The following SKI variants were observed in gnomAD, a reference collection of about 807,000 sequenced individuals.
SKI encodes the protein ski oncogene.
A neutral mutation model predicts 59.3 loss-of-function variants in SKI; 23 were observed. The observed-to-expected ratio is 0.39, with a 90% CI of 0.28 to 0.55. The LOEUF (loss-of-function observed/expected upper bound fraction) is 0.55, where lower values mean the gene tolerates loss of function less well. Ranked by LOEUF, SKI falls within the 20% of genes least tolerant of loss-of-function variation. The probability of loss-of-function intolerance (pLI) is 0.67; values close to 1 mark genes in which losing one functional copy is unlikely to be tolerated. For missense variants in SKI, 1,017 were observed against 1,038.9 expected, an observed-to-expected ratio of 0.98 and a Z score of 0.29; for synonymous variants, 673 against 488.6, an observed-to-expected ratio of 1.38 and a Z score of -4.98.
chr1:2,303,683 C>A lies in SKI; in HGVS notation c.1212-157C>A. On this transcript the variant is annotated intron_variant, in intron 3 of 6. Transcript: ENST00000378536. This position sits in a 1 kb window ranked among gnomAD's most constrained non-coding sequence, Gnocchi z 5.6. ...CGCAAGAGACCCAGCAAGCAGAAAA[C>A]GCTTACGGGTTCTTAGGGAACTGTA... 9.5e-7 allele frequency: 1 copy of A among 1,055,272 alleles called. No individual in the cohort carries two copies. The highest frequency in any genetic ancestry group is 1.4e-6 in the Non-Finnish European group (1 of 725,098). The allele number at this position is 1,055,272 out of a possible 1,614,324, so 65.4% of individuals were successfully genotyped here. A position where few individuals can be genotyped will look rare whatever the true frequency, so the allele number is the denominator to read the frequency against.
intron 1 of SKI, among the ~76,000 whole-genome samples, chr1:2,252,536 A>T (rs535395699): frequency 6.6e-6 from 1 of 152,216 alleles, no homozygotes; most frequent in South Asian, 2.1e-4. Flanking sequence ...CTTTATTTCC[A>T]CACTCGAGAG....
rs749324704 is a variant in SKI at position 2,306,800 on chromosome 1, G to T, written c.*35G>T. On this transcript the variant is annotated 3_prime_UTR_variant, in exon 7 of 7. Coordinates refer to ENST00000378536, the MANE Select transcript of SKI (RefSeq NM_003036.4). The stretch of plus-strand genomic sequence containing the variant: ...CTGCCGCCGCAGCGCCGCCGACAAC[G>T]CGGGTGCAGGGGGGCGCGGCTGGGC... 2.6e-5 allele frequency: 37 copies of T among 1,446,910 alleles called. No homozygotes were observed. In the East Asian group the frequency reaches 9.3e-4, roughly 36 times the overall value. The allele number at this position is 1,446,910 out of a possible 1,614,324, so 89.6% of individuals were successfully genotyped here.
intron 1 of SKI, among the ~76,000 whole-genome samples, chr1:2,248,873 CA>C (rs1639055539): frequency 6.6e-6 from 1 of 152,172 alleles, no homozygotes. Flanking sequence ...GAGTGTGGGC[CA>C]CGTTACTTTT....
Position 2,306,879 on chromosome 1 carries a change from C to G in SKI, c.*114C>G. ...CAGCCCACACAGCACAACGTCTTAC[C>G]GTGCCTATTACCAAGCGAGTGTTTG... On this transcript the variant is annotated 3_prime_UTR_variant, in exon 7 of 7. Coordinates refer to ENST00000378536, the MANE Select transcript of SKI (RefSeq NM_003036.4). The G allele has an allele frequency of 1.4e-6, 1 of 696,248 alleles. No homozygotes were observed. The highest frequency in any genetic ancestry group is 1.9e-5 in the African/African-American group (1 of 51,570). 43.1% of individuals were successfully genotyped at this position (696,248 alleles called of 1,614,324 possible). A position where few individuals can be genotyped will look rare whatever the true frequency, so the allele number is the denominator to read the frequency against.
At chr1:2,275,532 T>C (rs1385986343) in intron 1 of SKI, among the ~76,000 whole-genome samples, 2 of 152,032 alleles carry the variant, frequency 1.3e-5, no homozygotes, top group Non-Finnish European at 2.9e-5. Context: ...GTTTTTTTTT[T>C]AGACGGAGTC....
intron 1 of SKI, among the ~76,000 whole-genome samples, chr1:2,232,850 G>A (rs1272820120): frequency 2.0e-5 from 3 of 152,198 alleles, no homozygotes; most frequent in Non-Finnish European, 2.9e-5. Flanking sequence ...TGGTACAGGT[G>A]GGGCACAGAT....
chr1:2,243,867 G>C (rs1262456595), intron 1 of SKI, among the ~76,000 whole-genome samples: 1 of 152,186 alleles, frequency 6.6e-6, no homozygotes, highest in Non-Finnish European at 1.5e-5. Flanking sequence ...GGATGATTCT[G>C]TGTGTGCTTA....
Position 2,267,859 on chromosome 1 carries a change from T to G in SKI, c.970-35119T>G, listed in dbSNP as rs1639532699. ...ATGCCCTGCGAGATGTGTTTGAAAG[T>G]CACACTTTGGTTCCAGGTCACAGCT... On this transcript the variant is annotated intron_variant, in intron 1 of 6. Transcript: ENST00000378536. The surrounding 1 kb of genome is among the most constrained non-coding windows in gnomAD (Gnocchi z 4.1). Among the ~76,000 whole-genome samples, 1 of 152,204 alleles carries G rather than the reference T, an allele frequency of 6.6e-6. No individual in the cohort carries two copies. Among genetic ancestry groups the G allele is most frequent in the Non-Finnish European group, 1.5e-5 (1 of 68,034 alleles).
rs949255629 is a variant in SKI at position 2,229,520 on chromosome 1, C to A, written c.754C>A (p.Leu252Ile). Reference sequence around the variant, plus strand: ...CTGCATCCAGTGCCTGGACTGCCGCCTCATGTACCCGCCGCACAAGTTCGT... The same window carrying A: ...CTGCATCCAGTGCCTGGACTGCCGCATCATGTACCCGCCGCACAAGTTCGT... ...AACIQCLDCRLMYPPHKFVVH... is the reference protein window; with the variant it reads ...AACIQCLDCRIMYPPHKFVVH... Residue 252 changes from leucine (L) to isoleucine (I), a missense_variant, in exon 1 of 7, where the codon CTC becomes ATC. Coordinates refer to ENST00000378536, the MANE Select transcript of SKI (RefSeq NM_003036.4). The surrounding 1 kb of genome is among the most constrained non-coding windows in gnomAD (Gnocchi z 6.3). 1 of 1,611,180 alleles carries A rather than the reference C, an allele frequency of 6.2e-7. No homozygotes were observed. The highest frequency in any genetic ancestry group is 1.3e-5 in the African/African-American group (1 of 74,934).
At chr1:2,284,020 A>T (rs573204881) in intron 1 of SKI, among the ~76,000 whole-genome samples, 16 of 152,144 alleles carry the variant, frequency 1.1e-4, no homozygotes, top group African/African-American at 3.9e-4. Context: ...TGCCCGTGCC[A>T]TCTTCTCCCC....
In SKI at chr1:2,240,515, G is replaced by A. The variant is rs1638847125; in HGVS notation, c.969+10780G>A. 3 of 985,426 alleles carry A rather than the reference G, an allele frequency of 3.0e-6. No homozygotes were observed. The African/African-American group carries it at 5.2e-5, about 17-fold the overall frequency. The allele number at this position is 985,426 out of a possible 1,614,324, so 61.0% of individuals were successfully genotyped here. A position where few individuals can be genotyped will look rare whatever the true frequency, so the allele number is the denominator to read the frequency against. ...CGTGGGTGGTGGCGGGTGGTGGCTGGTTGTGGGGCAAGGCTGCGGGACTGG... is the reference window on the plus strand; with the variant it reads ...CGTGGGTGGTGGCGGGTGGTGGCTGATTGTGGGGCAAGGCTGCGGGACTGG... On this transcript the variant is annotated intron_variant, in intron 1 of 6. Coordinates refer to ENST00000378536, the MANE Select transcript of SKI (RefSeq NM_003036.4).
chr1:2,300,862 C>T (rs1640407228), intron 1 of SKI, among the ~76,000 whole-genome samples: 1 of 152,178 alleles, frequency 6.6e-6, no homozygotes, highest in African/African-American at 2.4e-5. Context: ...CTCGGCCACC[C>T]CCCACTGAGC....
intron 1 of SKI, among the ~76,000 whole-genome samples, chr1:2,264,523 G>T (rs916509804): frequency 1.3e-5 from 2 of 152,028 alleles, no homozygotes; most frequent in African/African-American, 4.8e-5. Flanking sequence ...CCTGCTTCAG[G>T]TTTCCAAAGT....
Position 2,267,509 on chromosome 1 carries a change from T to C in SKI, c.970-35469T>C, listed in dbSNP as rs1244476410. ...ATATCCCATTCGTTCCAGAGCCTCC[T>C]TTCAGGGTGGAAGGGGTGGTGGATG... On this transcript the variant is annotated intron_variant, in intron 1 of 6. Coordinates refer to ENST00000378536, the MANE Select transcript of SKI (RefSeq NM_003036.4). The surrounding 1 kb of genome is among the most constrained non-coding windows in gnomAD (Gnocchi z 4.1). 1.3e-5 allele frequency among the ~76,000 whole-genome samples: 2 copies of C among 152,192 alleles called. No individual in the cohort carries two copies. The highest frequency in any genetic ancestry group is 4.8e-5 in the African/African-American group (2 of 41,448).
chr1:2,307,019 C>A lies in SKI; in HGVS notation c.*254C>A. 3.4e-6 allele frequency: 1 copy of A among 295,634 alleles called. No homozygotes were observed. 18.3% of individuals were successfully genotyped at this position (295,634 alleles called of 1,614,324 possible). On this transcript the variant is annotated 3_prime_UTR_variant, in exon 7 of 7. Coordinates refer to ENST00000378536, the MANE Select transcript of SKI (RefSeq NM_003036.4). ...GGGCCAGCTCGGCGGCCTGCTGGTC[C>A]TCTGCTTGCTGGAACATTCTAACAT... is the stretch of plus-strand genomic sequence containing the variant.
chr1:2,288,127 C>T (rs1195948944), intron 1 of SKI, among the ~76,000 whole-genome samples: 1 of 152,048 alleles, frequency 6.6e-6, no homozygotes, highest in Non-Finnish European at 1.5e-5. Flanking sequence ...TAGCTGGGAT[C>T]ACAGGCGTGT....
intron 1 of SKI, among the ~76,000 whole-genome samples, chr1:2,235,995 C>G (rs1183210553): frequency 6.6e-6 from 1 of 152,194 alleles, no homozygotes; most frequent in African/African-American, 2.4e-5. Context: ...GGGAAACGGC[C>G]GAGATTCTGT....
intron 1 of SKI, among the ~76,000 whole-genome samples, chr1:2,286,863 G>A (rs1037651217): frequency 6.6e-6 from 1 of 152,236 alleles, no homozygotes; most frequent in Non-Finnish European, 1.5e-5. Context: ...TGCATGTGGC[G>A]TGTGCCACCT....
intron 1 of SKI, among the ~76,000 whole-genome samples, chr1:2,286,037 C>A (rs1314214263): frequency 6.6e-6 from 1 of 152,040 alleles, no homozygotes; most frequent in Non-Finnish European, 1.5e-5. Flanking sequence ...CCACACCCGG[C>A]TAATTTTTGT....
Sources: allele counts gnomAD v4.1 joint callset (sites outside exome capture counted in the v4.1 genomes callset), GRCh38; gene constraint gnomAD v4.1.1; non-coding constraint Gnocchi (gnomAD v3.1); transcripts MANE v1.5; gene names NCBI Gene and HGNC (gene_info 2026-07-23, HGNC 2026-07-21).